The following CSMD3 variants were observed in gnomAD, a reference collection of about 807,000 sequenced individuals.
The protein encoded by CSMD3 is CUB and sushi domain-containing protein 3.
Under a neutral mutation model 435.2 loss-of-function variants are expected in CSMD3, and 177 were observed. The observed-to-expected ratio is 0.41, with a 90% confidence interval of 0.36 to 0.46. The LOEUF is 0.46. Among genes scored for constraint, CSMD3 ranks in the 20% least tolerant of loss-of-function variants. CSMD3 has a pLI of 0.34. For missense variants in CSMD3, 4,265 were observed against 4,504.6 expected, an observed-to-expected ratio of 0.95 and a Z score of 1.52; for synonymous variants, 1,656 against 1,520.5, an observed-to-expected ratio of 1.09 and a Z score of -2.07.
intron 1 of CSMD3, among the ~76,000 whole-genome samples, chr8:113,359,745 A>G (rs1776539027): frequency 6.6e-6 from 1 of 152,250 alleles, no homozygotes; most frequent in South Asian, 2.1e-4. Flanking sequence ...ACTCTTGAAA[A>G]GAACTGAAAG....
intron 1 of CSMD3, among the ~76,000 whole-genome samples, chr8:113,408,718 C>T (rs549855415): frequency 6.7e-5 from 10 of 149,066 alleles, no homozygotes; most frequent in African/African-American, 1.5e-4. Context: ...CGTGCAGGGG[C>T]GAAATCTTGG....
At chr8:112,993,204 C>T (rs1345455428) in intron 6 of CSMD3, among the ~76,000 whole-genome samples, 1 of 151,664 alleles carries the variant, frequency 6.6e-6, no homozygotes, top group East Asian at 1.9e-4. Flanking sequence ...GCTGGGAATG[C>T]TAAAAGCTGA....
chr8:112,958,410 G>A (rs2084110258), intron 7 of CSMD3, among the ~76,000 whole-genome samples: 1 of 152,074 alleles, frequency 6.6e-6, no homozygotes, highest in Admixed American at 6.6e-5. Context: ...AAGAATATCA[G>A]GCCAGCAATC....
At chr8:113,207,007 C>T (rs924169729) in intron 3 of CSMD3, among the ~76,000 whole-genome samples, 21 of 152,128 alleles carry the variant, frequency 1.4e-4, no homozygotes, top group African/African-American at 4.6e-4. Context: ...GGTAAAAATG[C>T]AGGCTACTGT....
intron 22 of CSMD3, among the ~76,000 whole-genome samples, chr8:112,630,327 G>A (rs2131553609): frequency 6.6e-6 from 1 of 152,230 alleles, no homozygotes; most frequent in South Asian, 2.1e-4. Context: ...TAGGAAAAAA[G>A]AGGTAACACA....
chr8:113,002,215 G>A (rs1045025146), intron 6 of CSMD3, among the ~76,000 whole-genome samples: 2 of 152,138 alleles, frequency 1.3e-5, no homozygotes, highest in Non-Finnish European at 2.9e-5. Context: ...AAGTTTATGA[G>A]ACTCCCGGAG....
At chr8:112,540,540 T>A (rs1190946024) in intron 27 of CSMD3, among the ~76,000 whole-genome samples, 1 of 152,022 alleles carries the variant, frequency 6.6e-6, no homozygotes, top group Admixed American at 6.6e-5. Flanking sequence ...CATCATTTGA[T>A]GAGTGGATAA....
At chr8:113,295,995 T>C (rs2093718234) in intron 2 of CSMD3, among the ~76,000 whole-genome samples, 1 of 152,032 alleles carries the variant, frequency 6.6e-6, no homozygotes. Context: ...ACGTCCTTTG[T>C]AGGGACATGG....
chr8:112,427,050 T>C (rs541069357), intron 32 of CSMD3, among the ~76,000 whole-genome samples: 77 of 152,158 alleles, frequency 5.1e-4, no homozygotes, highest in Non-Finnish European at 1.0e-3. Flanking sequence ...TCCTTAAATA[T>C]AAATTGAGCT....
At chr8:112,795,491 T>C (rs1216206078) in intron 13 of CSMD3, among the ~76,000 whole-genome samples, 3 of 152,112 alleles carry the variant, frequency 2.0e-5, no homozygotes, top group African/African-American at 4.8e-5. Context: ...TGTTCAAATA[T>C]AAATTCACTG....
At chr8:113,396,153 A>G (rs2094482582) in intron 1 of CSMD3, among the ~76,000 whole-genome samples, 1 of 152,202 alleles carries the variant, frequency 6.6e-6, no homozygotes. Flanking sequence ...TATGCTTTAA[A>G]TGCACCTCAT....
At chr8:112,852,382 G>C (rs2129744013) in intron 11 of CSMD3, among the ~76,000 whole-genome samples, 1 of 152,148 alleles carries the variant, frequency 6.6e-6, no homozygotes, top group South Asian at 2.1e-4. Context: ...TGAAAAAAGT[G>C]GAGTCAATGA....
intron 27 of CSMD3, among the ~76,000 whole-genome samples, chr8:112,534,675 T>A (rs889782904): frequency 2.6e-5 from 4 of 152,088 alleles, no homozygotes; most frequent in African/African-American, 9.7e-5. Context: ...CCCTAACTCA[T>A]TTTATGAGGC....
intron 10 of CSMD3, among the ~76,000 whole-genome samples, chr8:112,903,170 A>AG (rs2082155909): frequency 1.3e-5 from 2 of 150,342 alleles, no homozygotes; most frequent in East Asian, 2.0e-4. Flanking sequence ...AAAAAAAAAA[A>AG]AAAAAGAAAA....
chr8:113,385,243 T>C (rs1268608656), intron 1 of CSMD3, among the ~76,000 whole-genome samples: 2 of 152,128 alleles, frequency 1.3e-5, no homozygotes, highest in Non-Finnish European at 2.9e-5. Flanking sequence ...TCATTGTGTC[T>C]CTTCAAACTT....
chr8:113,423,357 C>T (rs1331642055), intron 1 of CSMD3, among the ~76,000 whole-genome samples: 1 of 152,016 alleles, frequency 6.6e-6, no homozygotes, highest in Non-Finnish European at 1.5e-5. Flanking sequence ...GATAGCTTCT[C>T]TGAGATTCTC....
intron 11 of CSMD3, among the ~76,000 whole-genome samples, chr8:112,857,363 T>A (rs1170566165): frequency 6.6e-6 from 1 of 151,812 alleles, no homozygotes; most frequent in African/African-American, 2.4e-5. Flanking sequence ...AGTAGAAATG[T>A]GACAACCTCT....
intron 32 of CSMD3, among the ~76,000 whole-genome samples, chr8:112,442,087 T>C (rs1303406970): frequency 2.0e-5 from 3 of 152,216 alleles, no homozygotes; most frequent in East Asian, 1.9e-4. Flanking sequence ...CTTATAATCA[T>C]GGCAGAAGGC....
In CSMD3 at chr8:112,336,676, G is replaced by A. The variant is rs1717178176; in HGVS notation, c.6995C>T (p.Pro2332Leu). 1 of 1,611,240 alleles carries A rather than the reference G, an allele frequency of 6.2e-7. No homozygotes were observed. Among genetic ancestry groups the A allele is most frequent in the Non-Finnish European group, 8.5e-7 (1 of 1,177,760 alleles). The stretch of plus-strand genomic sequence containing the variant: ...CCATACAGTAATGAAATCATATATT[G>A]GTTCTGTTTGAAGGACAGTAAAATT... Reference protein sequence around the residue: ...YINFTVLQTEPIYDFITVWDG... With the variant: ...YINFTVLQTELIYDFITVWDG... Residue 2332 changes from proline (P) to leucine (L), a missense_variant, in exon 44 of 71, where the codon CCA becomes CTA. By Grantham distance (98) the Pro-to-Leu change is moderately conservative (BLOSUM62 -3). Coordinates refer to ENST00000297405, the MANE Select transcript of CSMD3 (RefSeq NM_198123.2).
Sources: gnomAD v4.1 joint callset for allele counts (sites outside exome capture counted in the v4.1 genomes callset) on GRCh38, gnomAD v4.1.1 for gene constraint, MANE v1.5 for transcripts, NCBI Gene and HGNC (gene_info 2026-07-23, HGNC 2026-07-21) for gene names.